ATP8A2: variants seen among roughly 807,000 people sequenced by gnomAD.
ATP8A2 encodes the protein ATPase phospholipid transporting 8A2, also known as phospholipid-transporting ATPase IB.
ATP8A2 carries 100 observed loss-of-function variants against 165.6 expected under a neutral mutation model. The observed-to-expected ratio is 0.60, with a 90% CI of 0.51 to 0.71. The LOEUF is 0.71. ATP8A2 is among the 30% of genes least tolerant of loss of function. The probability of loss-of-function intolerance (pLI) is 0.00; values close to 1 mark genes in which losing one functional copy is unlikely to be tolerated. For missense variants in ATP8A2, 1,227 were observed against 1,479.5 expected (o/e 0.83, Z 2.80); for synonymous variants, 543 against 548.8 (o/e 0.99, Z 0.15).
chr13:25,580,867 C>A (rs1381072924), intron 22 of ATP8A2, among the ~76,000 whole-genome samples: 1 of 152,142 alleles, frequency 6.6e-6, no homozygotes, highest in African/African-American at 2.4e-5. Flanking sequence ...GAAACCATCA[C>A]TTATTTACTG....
At chr13:25,529,171 G>A (rs2037948999) in intron 2 of ATP8A2, among the ~76,000 whole-genome samples, 1 of 152,158 alleles carries the variant, frequency 6.6e-6, no homozygotes, top group African/African-American at 2.4e-5. Flanking sequence ...TAGGCTCAGA[G>A]TGATGTCTTC....
intron 24 of ATP8A2, among the ~76,000 whole-genome samples, chr13:25,680,474 C>A (rs181638573): frequency 6.6e-6 from 1 of 152,140 alleles, no homozygotes; most frequent in Non-Finnish European, 1.5e-5. Context: ...TGAGAGAGTA[C>A]TTTTCTGTTG....
chr13:25,728,454 G>C (rs1009886709), intron 25 of ATP8A2, among the ~76,000 whole-genome samples: 1 of 152,188 alleles, frequency 6.6e-6, no homozygotes, highest in Non-Finnish European at 1.5e-5. Flanking sequence ...CATGTCTGCT[G>C]TTTTAGCTAC....
At chr13:25,540,883 A>G (rs549587594) in intron 8 of ATP8A2, among the ~76,000 whole-genome samples, 1 of 148,456 alleles carries the variant, frequency 6.7e-6, no homozygotes, top group African/African-American at 2.5e-5. Context: ...TTTTTTTGAG[A>G]TGGAGCCTTG....
chr13:25,559,497 A>G (rs1317701691), intron 14 of ATP8A2, among the ~76,000 whole-genome samples: 1 of 152,208 alleles, frequency 6.6e-6, no homozygotes, highest in African/African-American at 2.4e-5. Flanking sequence ...GCTCCACTGC[A>G]CTCTAGCCTG....
At chr13:25,700,707 C>T (rs184344227) in intron 25 of ATP8A2, among the ~76,000 whole-genome samples, 11 of 152,162 alleles carry the variant, frequency 7.2e-5, no homozygotes, top group African/African-American at 2.2e-4. Context: ...TTCGACTCCT[C>T]TGGGTACGTG....
chr13:25,898,343 T>C (rs544804980), intron 33 of ATP8A2, among the ~76,000 whole-genome samples: 4 of 152,336 alleles, frequency 2.6e-5, no homozygotes, highest in African/African-American at 9.6e-5. Flanking sequence ...GAACAGCGGA[T>C]ACTGGTGAAC....
chr13:25,878,792 C>T (rs540858294), intron 33 of ATP8A2, among the ~76,000 whole-genome samples: 5 of 152,096 alleles, frequency 3.3e-5, no homozygotes, highest in Admixed American at 6.5e-5. Flanking sequence ...GCCTTCCCAT[C>T]GCCCCAGCAC....
At chr13:26,011,913 C>A (rs543845194) in intron 35 of ATP8A2, among the ~76,000 whole-genome samples, 2 of 151,426 alleles carry the variant, frequency 1.3e-5, no homozygotes, top group Non-Finnish European at 3.0e-5. Context: ...CCAGTCTGGA[C>A]GACAGTGAGA....
chr13:25,478,321 T>C (rs1402589813), intron 2 of ATP8A2, among the ~76,000 whole-genome samples: 1 of 152,160 alleles, frequency 6.6e-6, no homozygotes, highest in African/African-American at 2.4e-5. Context: ...TGTGTCGTTA[T>C]CCAGAAAGTT....
chr13:25,558,282 T>C (rs952569383), intron 13 of ATP8A2, among the ~76,000 whole-genome samples: 21 of 152,308 alleles, frequency 1.4e-4, no homozygotes, highest in African/African-American at 4.8e-4. Flanking sequence ...TTCTACTAAA[T>C]TTTCCATACC....
At chr13:25,569,175 G>A (rs1183513547) in intron 16 of ATP8A2, among the ~76,000 whole-genome samples, 1 of 152,166 alleles carries the variant, frequency 6.6e-6, no homozygotes, top group East Asian at 1.9e-4. Flanking sequence ...CTCACATAAA[G>A]TACTTTTGGG....
intron 29 of ATP8A2, 95 bp from the exon 30 acceptor site, chr13:25,839,451 G>A (rs1374380090): frequency 3.4e-5 from 29 of 846,400 alleles, no homozygotes; most frequent in East Asian, 2.7e-4. Flanking sequence ...TGCAGCGCAC[G>A]GCCAGGATCC....
At chr13:25,483,932 G>A (rs1219517889) in intron 2 of ATP8A2, among the ~76,000 whole-genome samples, 1 of 152,200 alleles carries the variant, frequency 6.6e-6, no homozygotes, top group Non-Finnish European at 1.5e-5. Flanking sequence ...GGGGAAAAGG[G>A]AAGTGGACTT....
chr13:25,793,885 G>T (rs1231810351), intron 27 of ATP8A2, among the ~76,000 whole-genome samples: 4 of 152,088 alleles, frequency 2.6e-5, no homozygotes, highest in South Asian at 2.1e-4. Flanking sequence ...CCCCACCCCA[G>T]TTCTTTAGCT....
chr13:25,971,845 C>T (rs1440744020), intron 35 of ATP8A2, among the ~76,000 whole-genome samples: 3 of 152,040 alleles, frequency 2.0e-5, no homozygotes, highest in Admixed American at 1.3e-4. Flanking sequence ...CAAAGATGCA[C>T]AGGCCAGGAG....
At chr13:25,892,413 GA>G (rs1350335749) in intron 33 of ATP8A2, among the ~76,000 whole-genome samples, 7 of 150,654 alleles carry the variant, frequency 4.6e-5, no homozygotes, top group Non-Finnish European at 8.8e-5. Context: ...TGATGCCTGT[GA>G]AAAATAAGTT....
intron 27 of ATP8A2, among the ~76,000 whole-genome samples, chr13:25,786,754 G>GATTTTT (rs58430501): frequency 7.4e-6 from 1 of 134,652 alleles, no homozygotes. Flanking sequence ...ACAATTCTAT[G>GATTTTT]TTTTTTTTTT....
chr13:25,991,242 G>T (rs1474326633), intron 35 of ATP8A2, among the ~76,000 whole-genome samples: 1 of 152,176 alleles, frequency 6.6e-6, no homozygotes, highest in East Asian at 1.9e-4. Context: ...GAAGGGAAGA[G>T]ACAGACTGAC....
Sources: allele counts gnomAD v4.1 joint callset (sites outside exome capture counted in the v4.1 genomes callset), GRCh38; gene constraint gnomAD v4.1.1; transcripts MANE v1.5; gene names NCBI Gene and HGNC (gene_info 2026-07-23, HGNC 2026-07-21).